CERS6: variants seen among roughly 807,000 people sequenced by gnomAD.
CERS6 encodes the protein ceramide synthase 6.
Under a neutral mutation model 56.8 loss-of-function variants are expected in CERS6, and 26 were observed. The ratio of observed to expected loss-of-function variants is 0.46; its 90% CI spans 0.34 to 0.63. The LOEUF (loss-of-function observed/expected upper bound fraction) is 0.63, where lower values mean the gene tolerates loss of function less well. Ranked by LOEUF, CERS6 falls within the 30% of genes least tolerant of loss-of-function variation. The pLI is 0.01. For synonymous variants in CERS6, 164 were observed against 173.3 expected, an observed-to-expected ratio of 0.95 and a Z score of 0.42; for missense variants, 415 against 467.5, an observed-to-expected ratio of 0.89 and a Z score of 1.04.
chr2:168,600,388 T>A (rs1292710255), intron 3 of CERS6, among the ~76,000 whole-genome samples: 1 of 152,084 alleles, frequency 6.6e-6, no homozygotes, highest in African/African-American at 2.4e-5. Flanking sequence ...GTATTTTTAG[T>A]AGAGACGGGG....
At chr2:168,729,982 C>A (rs1487497695) in intron 8 of CERS6, among the ~76,000 whole-genome samples, 1 of 152,160 alleles carries the variant, frequency 6.6e-6, no homozygotes, top group Non-Finnish European at 1.5e-5. Context: ...CACTAAAAAA[C>A]CATCAATAAA....
chr2:168,728,075 ACTGT>A (rs1683401094), intron 8 of CERS6, among the ~76,000 whole-genome samples: 1 of 152,194 alleles, frequency 6.6e-6, no homozygotes, highest in Non-Finnish European at 1.5e-5. Context: ...AAAGCAGCCC[ACTGT>A]CTGTTTGTAT....
chr2:168,568,655 T>A (rs1695926249), intron 3 of CERS6, among the ~76,000 whole-genome samples: 1 of 152,240 alleles, frequency 6.6e-6, no homozygotes, highest in Non-Finnish European at 1.5e-5. Context: ...TCTTGAAATG[T>A]TTTTAATAGA....
chr2:168,649,893 T>C (rs930509073), intron 4 of CERS6, among the ~76,000 whole-genome samples: 1 of 152,138 alleles, frequency 6.6e-6, no homozygotes, highest in Non-Finnish European at 1.5e-5. Flanking sequence ...CCAAACTTAC[T>C]GTAAGCCCCT....
intron 6 of CERS6, among the ~76,000 whole-genome samples, chr2:168,698,656 C>A (rs112364515): frequency 0.013 from 1,950 of 152,228 alleles, 44 homozygotes; most frequent in African/African-American, 0.045. Flanking sequence ...GACACAGATC[C>A]AAACCATATC....
chr2:168,574,056 C>T (rs1243564571), intron 3 of CERS6, among the ~76,000 whole-genome samples: 3 of 152,120 alleles, frequency 2.0e-5, no homozygotes, highest in African/African-American at 7.2e-5. Context: ...AGTGGACACT[C>T]GTATTTCCCT....
chr2:168,638,612 A>G (rs1238983876), intron 4 of CERS6, among the ~76,000 whole-genome samples: 2 of 152,212 alleles, frequency 1.3e-5, no homozygotes, highest in African/African-American at 4.8e-5. Context: ...AATAAATTAA[A>G]AACTTTTTCA....
At position 168,497,372 on chromosome 2, in the gene CERS6, TA is replaced by T. The variant is rs2105342663; in HGVS notation, c.170+40757del. ...CAGGTAGTGATAAATACCACAGCAA[TA>T]AATAAATAAATAAATAGGGAAGGAA... On this transcript the variant is annotated intron_variant, in intron 1 of 9. Coordinates refer to ENST00000305747, the MANE Select transcript of CERS6 (RefSeq NM_203463.3). Among the ~76,000 whole-genome samples the T allele has an allele frequency of 1.3e-5, 2 of 148,608 alleles. 1 individual carries two copies. The highest frequency in any genetic ancestry group is 4.3e-4 in the South Asian group (2 of 4,642).
At position 168,567,947 on chromosome 2, in the gene CERS6, T is replaced by G. The variant is rs113466579; in HGVS notation, c.407+6625T>G. ...AACCGGACTATGGACAGTCTGCTCT[T>G]TTGCCTCGAGTAAGCCTTTGAAACC... On this transcript the variant is annotated intron_variant, in intron 3 of 9. Transcript: ENST00000305747. Among the ~76,000 whole-genome samples, 167 of 152,332 alleles carry G rather than the reference T, an allele frequency of 1.1e-3. 2 individuals are homozygous for G. Among genetic ancestry groups the G allele is most frequent in the African/African-American group, 3.9e-3 (163 of 41,580 alleles).
intron 3 of CERS6, among the ~76,000 whole-genome samples, chr2:168,561,620 C>G (rs984505607): frequency 6.6e-6 from 1 of 152,128 alleles, no homozygotes; most frequent in Non-Finnish European, 1.5e-5. Flanking sequence ...AAAGTTGTTA[C>G]TTTTATAGAT....
At chr2:168,722,472 A>C (rs1384877238) in intron 8 of CERS6, among the ~76,000 whole-genome samples, 5 of 152,106 alleles carry the variant, frequency 3.3e-5, no homozygotes, top group African/African-American at 1.2e-4. Flanking sequence ...GGTAGAAGGT[A>C]GGTATCCAAG....
At chr2:168,473,477 C>T (rs981728348) in intron 1 of CERS6, among the ~76,000 whole-genome samples, 1 of 151,932 alleles carries the variant, frequency 6.6e-6, no homozygotes, top group African/African-American at 2.4e-5. Flanking sequence ...GAATTCTTTT[C>T]GGTTTTCCTA....
chr2:168,500,224 A>G (rs1197222081), intron 1 of CERS6, among the ~76,000 whole-genome samples: 2 of 152,216 alleles, frequency 1.3e-5, no homozygotes, highest in South Asian at 2.1e-4. Context: ...GTTTTACATT[A>G]TTTGCTTGAT....
At chr2:168,671,086 G>A (rs1008310618) in intron 4 of CERS6, among the ~76,000 whole-genome samples, 2 of 148,698 alleles carry the variant, frequency 1.3e-5, no homozygotes, top group Admixed American at 6.9e-5. Flanking sequence ...TCAGCCTCCC[G>A]AGTAGCTGGG....
At position 168,717,929 on chromosome 2, in the gene CERS6, A is replaced by T. The variant is rs149085643; in HGVS notation, c.796A>T (p.Met266Leu). The change falls in exon 8 of 10, where the codon ATG becomes TTG. Residue 266 changes from methionine (M) to leucine (L), a missense_variant. Transcript: ENST00000305747. ...GAAAATGTGTGATCTCCTGTTTGTTATGTTTGCCGTGGTTTTTATCACCAC... is the reference window on the plus strand; with the variant it reads ...GAAAATGTGTGATCTCCTGTTTGTTTTGTTTGCCGTGGTTTTTATCACCAC... ...FQKMCDLLFV[M>L]FAVVFITTRL... The T allele has an allele frequency of 6.2e-7, 1 of 1,613,718 alleles. No homozygotes were observed. The highest frequency in any genetic ancestry group is 1.1e-5 in the South Asian group (1 of 91,042).
chr2:168,665,760 T>C (rs1195337162), intron 4 of CERS6, among the ~76,000 whole-genome samples: 1 of 152,148 alleles, frequency 6.6e-6, no homozygotes, highest in Non-Finnish European at 1.5e-5. Context: ...AAACTCTCAC[T>C]GAAATAAAAC....
intron 3 of CERS6, among the ~76,000 whole-genome samples, chr2:168,569,779 T>C (rs1695949125): frequency 6.6e-6 from 1 of 152,192 alleles, no homozygotes; most frequent in African/African-American, 2.4e-5. Context: ...TTCTCTCTGA[T>C]AAAAACCTCT....
intron 4 of CERS6, among the ~76,000 whole-genome samples, chr2:168,631,313 A>G (rs990497215): frequency 2.0e-5 from 3 of 147,708 alleles, no homozygotes; most frequent in Non-Finnish European, 3.0e-5. Flanking sequence ...TTCTACATCA[A>G]TCACACAATT....
chr2:168,646,765 C>G (rs1399479566), intron 4 of CERS6, among the ~76,000 whole-genome samples: 2 of 152,150 alleles, frequency 1.3e-5, no homozygotes, highest in Non-Finnish European at 2.9e-5. Context: ...TATGGCTAGC[C>G]AGTTATCTCA....
Sources: allele counts gnomAD v4.1 joint callset (sites outside exome capture counted in the v4.1 genomes callset), GRCh38; gene constraint gnomAD v4.1.1; transcripts MANE v1.5; gene names NCBI Gene and HGNC (gene_info 2026-07-23, HGNC 2026-07-21).